NKAIN2: variants seen among roughly 807,000 people sequenced by gnomAD.
NKAIN2 encodes sodium/potassium transporting ATPase interacting 2, also known as sodium/potassium-transporting ATPase subunit beta-1-interacting protein 2.
In NKAIN2, 14 loss-of-function variants were observed where a neutral mutation model predicts 32.6. That is an observed-to-expected ratio of 0.43 (90% CI 0.28 to 0.67). NKAIN2 has a LOEUF of 0.67. Ranked by LOEUF, NKAIN2 falls within the 30% of genes least tolerant of loss-of-function variation. The pLI is 0.17. For missense variants in NKAIN2, 198 were observed against 258.3 expected, an observed-to-expected ratio of 0.77 and a Z score of 1.60; for synonymous variants, 80 against 87.2, an observed-to-expected ratio of 0.92 and a Z score of 0.46.
At chr6:124,369,334 A>G (rs1281953001) in intron 3 of NKAIN2, among the ~76,000 whole-genome samples, 1 of 152,140 alleles carries the variant, frequency 6.6e-6, no homozygotes, top group Non-Finnish European at 1.5e-5. Flanking sequence ...ATTTAAAAAT[A>G]ATTGAATTTT....
In NKAIN2 at chr6:124,091,132, G is replaced by C. The variant is rs539125889; in HGVS notation, c.55-191873G>C. 7.1e-4 allele frequency among the ~76,000 whole-genome samples: 108 copies of C among 152,066 alleles called. No individual in the cohort carries two copies. The Middle Eastern group carries it at 0.01, about 14-fold the overall frequency. ...AAGTAAAAAGGCTAAAAAATTGAAT[G>C]TGAAATAAACATTAAATTGATTTTA... On this transcript the variant is annotated intron_variant, in intron 1 of 6. Transcript: ENST00000368417.
At chr6:124,609,387 A>C (rs1782608513) in intron 3 of NKAIN2, among the ~76,000 whole-genome samples, 1 of 151,616 alleles carries the variant, frequency 6.6e-6, no homozygotes, top group Non-Finnish European at 1.5e-5. Flanking sequence ...GAATTGTTTG[A>C]TAGGATGGTT....
chr6:124,216,430 T>C (rs1308782697), intron 1 of NKAIN2, among the ~76,000 whole-genome samples: 1 of 152,192 alleles, frequency 6.6e-6, no homozygotes, highest in African/African-American at 2.4e-5. Context: ...TTCACAGACA[T>C]GTGAAAAGCA....
intron 1 of NKAIN2, among the ~76,000 whole-genome samples, chr6:124,056,985 AACAATAAACTC>A (rs1380268438): frequency 6.6e-6 from 1 of 152,052 alleles, no homozygotes; most frequent in Non-Finnish European, 1.5e-5. Flanking sequence ...GAAAAAAATA[AACAATAAACTC>A]TATACCTTCC....
intron 3 of NKAIN2, among the ~76,000 whole-genome samples, chr6:124,623,584 T>G (rs1783191702): frequency 6.6e-6 from 1 of 152,128 alleles, no homozygotes; most frequent in Non-Finnish European, 1.5e-5. Flanking sequence ...AGTATGAAAT[T>G]GTATTAAAAC....
At chr6:124,223,755 T>G (rs1461807041) in intron 1 of NKAIN2, among the ~76,000 whole-genome samples, 1 of 152,182 alleles carries the variant, frequency 6.6e-6, no homozygotes, top group Admixed American at 6.5e-5. Flanking sequence ...CATTTAGACA[T>G]TCTTCCCTAT....
At chr6:124,657,002 T>C (rs781485) in intron 3 of NKAIN2, among the ~76,000 whole-genome samples, 152,199 of 152,270 alleles carry the variant, frequency 1, 76,064 homozygotes, top group Non-Finnish European at 1. Context: ...AGATCACCCC[T>C]ACCCCACCCA....
At chr6:124,483,232 G>A (rs986633707) in intron 3 of NKAIN2, among the ~76,000 whole-genome samples, 1 of 152,076 alleles carries the variant, frequency 6.6e-6, no homozygotes, top group African/African-American at 2.4e-5. Flanking sequence ...ATCAAGTTCC[G>A]ATGATCATAT....
intron 2 of NKAIN2, among the ~76,000 whole-genome samples, chr6:124,339,994 T>C (rs1402896952): frequency 6.6e-6 from 1 of 152,124 alleles, no homozygotes; most frequent in Non-Finnish European, 1.5e-5. Flanking sequence ...CCAGAGACAA[T>C]TTTATTTTAT....
intron 1 of NKAIN2, among the ~76,000 whole-genome samples, chr6:124,260,651 C>T (rs139062518): frequency 7.5e-4 from 114 of 152,174 alleles, no homozygotes; most frequent in African/African-American, 2.5e-3. Flanking sequence ...GTTCCTTTTA[C>T]TCTGACATGG....
intron 3 of NKAIN2, among the ~76,000 whole-genome samples, chr6:124,441,005 C>T (rs1291517796): frequency 6.6e-6 from 1 of 152,070 alleles, no homozygotes; most frequent in Non-Finnish European, 1.5e-5. Flanking sequence ...TTCACCTGTA[C>T]ATTGTCATCC....
At chr6:124,369,611 T>A (rs2114317206) in intron 3 of NKAIN2, among the ~76,000 whole-genome samples, 1 of 152,222 alleles carries the variant, frequency 6.6e-6, no homozygotes, top group South Asian at 2.1e-4. Context: ...AGACAATTAC[T>A]TTTCTTCCAG....
intron 1 of NKAIN2, among the ~76,000 whole-genome samples, chr6:123,844,646 C>T (rs566198221): frequency 6.6e-6 from 1 of 152,314 alleles, no homozygotes; most frequent in East Asian, 1.9e-4. Flanking sequence ...TACATGGATA[C>T]ATATGTGCTT....
chr6:124,131,443 T>C (rs1156554747), intron 1 of NKAIN2, among the ~76,000 whole-genome samples: 1 of 152,174 alleles, frequency 6.6e-6, no homozygotes, highest in Admixed American at 6.5e-5. Flanking sequence ...ACTGTGAACT[T>C]TGTTCCGAGA....
chr6:124,433,772 A>T (rs1775319137), intron 3 of NKAIN2, among the ~76,000 whole-genome samples: 1 of 152,144 alleles, frequency 6.6e-6, no homozygotes, highest in Non-Finnish European at 1.5e-5. Flanking sequence ...CTTCCCAGAA[A>T]TGTTGTGAAA....
At chr6:123,903,126 G>T (rs2114422871) in intron 1 of NKAIN2, among the ~76,000 whole-genome samples, 1 of 152,340 alleles carries the variant, frequency 6.6e-6, no homozygotes, top group South Asian at 2.1e-4. Flanking sequence ...GATAGTGAGT[G>T]AAAGTCGTTA....
chr6:124,051,885 G>C (rs1214297970), intron 1 of NKAIN2, among the ~76,000 whole-genome samples: 1 of 151,902 alleles, frequency 6.6e-6, no homozygotes, highest in East Asian at 1.9e-4. Flanking sequence ...AAGAATAGAG[G>C]GTAGATGGAA....
intron 4 of NKAIN2, among the ~76,000 whole-genome samples, chr6:124,734,915 A>G (rs1382242332): frequency 6.6e-6 from 1 of 151,854 alleles, no homozygotes; most frequent in Non-Finnish European, 1.5e-5. Flanking sequence ...TTTTGAAAAT[A>G]CTTCACATGG....
At chr6:124,624,438 G>A (rs1783225877) in intron 3 of NKAIN2, among the ~76,000 whole-genome samples, 5 of 152,062 alleles carry the variant, frequency 3.3e-5, no homozygotes, top group Admixed American at 3.3e-4. Flanking sequence ...AAGGCCCTAA[G>A]GATTACACCA....
Sources: allele counts gnomAD v4.1 joint callset (sites outside exome capture counted in the v4.1 genomes callset), GRCh38; gene constraint gnomAD v4.1.1; transcripts MANE v1.5; gene names NCBI Gene and HGNC (gene_info 2026-07-23, HGNC 2026-07-21).